Variants in DENND4B observed in about 807,000 individuals in gnomAD.
DENND4B encodes the protein DENN domain-containing protein 4B.
In DENND4B, 67 loss-of-function variants were observed where a neutral mutation model predicts 161.0. That is an observed-to-expected ratio of 0.42 (90% CI 0.34 to 0.51). DENND4B has a LOEUF of 0.51. Among genes scored for constraint, DENND4B ranks in the 20% least tolerant of loss-of-function variants. The pLI is 0.08. For synonymous variants in DENND4B, 753 were observed against 813.8 expected (o/e 0.93, Z 1.27); for missense variants, 1,481 against 1,968.0 (o/e 0.75, Z 4.68).
chr1:153,936,612 A>G lies in DENND4B; in HGVS notation c.2369T>C (p.Val790Ala), dbSNP rs762301962. The change falls in exon 16 of 28, where the codon GTG (valine) becomes GCG (alanine). Residue 790 changes from valine (V) to alanine (A), a missense_variant. By Grantham distance (64) the Val-to-Ala change is moderately conservative (BLOSUM62 0). Around this residue, in one of 3 missense-constraint regions of DENND4B, gnomAD observed 806 missense variants for 1,134.4 expected, o/e 0.71. Transcript: ENST00000361217. The surrounding 1 kb of genome is among the most constrained non-coding windows in gnomAD (Gnocchi z 4.1). ...ATGGTAGGCTGTGTGCAGTGCCTGC[A>G]CTCGGGAGGGTGCCGACCGCACATA... Reference protein sequence around the residue: ...PAYVRSAPSRVQALHTAYHVL... With the variant: ...PAYVRSAPSRAQALHTAYHVL... 5 of 1,612,752 alleles carry G rather than the reference A, an allele frequency of 3.1e-6. No individual in the cohort carries two copies. The East Asian group carries it at 6.7e-5, about 22-fold the overall frequency.
In DENND4B at chr1:153,934,773, G is replaced by A; in HGVS notation, c.2760C>T (p.Gly920=). The stretch of plus-strand genomic sequence containing the variant: ...GGCCCTACCCACCTGCCTGGGAGCT[G>A]CCTGCCTCTTGATGTGCTGACACCT... ...QEQVSAHQEA[G]SSQAEPYLER... The change falls in exon 18 of 28, where the codon GGC becomes GGT. Residue 920 remains glycine, a synonymous_variant. Coordinates refer to ENST00000361217, the MANE Select transcript of DENND4B (RefSeq NM_014856.3). The surrounding 1 kb of genome is among the most constrained non-coding windows in gnomAD (Gnocchi z 5.3). 1 of 1,612,510 alleles carries A rather than the reference G, an allele frequency of 6.2e-7. No individual in the cohort carries two copies. Among genetic ancestry groups the A allele is most frequent in the Admixed American group, 1.7e-5 (1 of 59,884 alleles).
rs1379702577 is a variant in DENND4B, at chr1:153,937,455, C to T, written c.2232+33G>A. 1.9e-5 allele frequency: 28 copies of T among 1,493,160 alleles called. No individual in the cohort carries two copies. The highest frequency in any genetic ancestry group is 2.5e-5 in the East Asian group (1 of 40,258). 92.5% of individuals were successfully genotyped at this position (1,493,160 alleles called of 1,614,324 possible). ...AGCAGCAGCAGCCTTCAGCCTGATC[C>T]GGGTCCCTCAGTGCGGTCCACCCAC... On this transcript the variant is annotated intron_variant, in intron 15 of 27. Coordinates refer to ENST00000361217, the MANE Select transcript of DENND4B (RefSeq NM_014856.3). The surrounding 1 kb of genome is among the most constrained non-coding windows in gnomAD (Gnocchi z 4.7).
rs554113357 is a variant in DENND4B at position 153,937,456 on chromosome 1, G to A, written c.2232+32C>T. 1.5e-5 allele frequency: 22 copies of A among 1,495,882 alleles called. No individual in the cohort carries two copies. Among genetic ancestry groups the A allele is most frequent in the East Asian group, 1.2e-4 (5 of 40,256 alleles). 92.7% of individuals were successfully genotyped at this position (1,495,882 alleles called of 1,614,324 possible). ...GCAGCAGCAGCCTTCAGCCTGATCC[G>A]GGTCCCTCAGTGCGGTCCACCCACT... On this transcript the variant is annotated intron_variant, in intron 15 of 27. Transcript: ENST00000361217. This position sits in a 1 kb window ranked among gnomAD's most constrained non-coding sequence, Gnocchi z 4.7.
chr1:153,938,905 C>G lies in DENND4B; in HGVS notation c.1960G>C (p.Glu654Gln), dbSNP rs1323740691. The G allele has an allele frequency of 3.2e-6, 5 of 1,585,100 alleles. No individual in the cohort carries two copies. Among genetic ancestry groups the G allele is most frequent in the Admixed American group, 3.6e-5 (2 of 55,024 alleles). Reference protein sequence around the residue: ...AALEFFDSCVEKVHPEQEKPE... With the variant: ...AALEFFDSCVQKVHPEQEKPE... ...ACATAGAGAAGGGATGATACCTTTT[C>G]AACACAAGAGTCAAAGAATTCAAGG... The change falls in exon 13 of 28, where the codon GAA becomes CAA. Residue 654 changes from glutamate (E) to glutamine (Q), a missense_variant. Around this residue, in one of 3 missense-constraint regions of DENND4B, gnomAD observed 806 missense variants for 1,134.4 expected, o/e 0.71. Transcript: ENST00000361217.
At chr1:153,931,978 T>G (rs1678978900) in intron 24 of DENND4B, among the ~76,000 whole-genome samples, 3 of 152,024 alleles carry the variant, frequency 2.0e-5, no homozygotes, top group African/African-American at 7.2e-5. Context: ...TAATTTTTTT[T>G]GTATTTTTAG....
In DENND4B at chr1:153,939,608, G is replaced by A; in HGVS notation, c.1800C>T (p.Asp600=). 6.2e-7 allele frequency: 1 copy of A among 1,610,324 alleles called. No individual in the cohort carries two copies. Among genetic ancestry groups the A allele is most frequent in the Non-Finnish European group, 8.5e-7 (1 of 1,177,152 alleles). The change falls in exon 12 of 28, where the codon GAC becomes GAT. Residue 600 remains aspartate, a synonymous_variant. Coordinates refer to ENST00000361217, the MANE Select transcript of DENND4B (RefSeq NM_014856.3). ...CTATACCCTGCAGGAAGAAAAGGTT[G>A]TCAACATCACGAGCTCCCTCGGAGG... ...QAPSEGARDV[D]NLFFLQGFLK...
rs1678815268 is a variant in DENND4B, at chr1:153,930,065, C to G, written c.*232G>C. The G allele has an allele frequency of 3.3e-6, 2 of 599,072 alleles. No individual in the cohort carries two copies. The highest frequency in any genetic ancestry group is 5.8e-6 in the Non-Finnish European group (2 of 345,174). The allele number at this position is 599,072 out of a possible 1,614,324, so 37.1% of individuals were successfully genotyped here. A position where few individuals can be genotyped will look rare whatever the true frequency, so the allele number is the denominator to read the frequency against. On this transcript the variant is annotated 3_prime_UTR_variant, in exon 28 of 28. Coordinates refer to ENST00000361217, the MANE Select transcript of DENND4B (RefSeq NM_014856.3). The surrounding 1 kb of genome is among the most constrained non-coding windows in gnomAD (Gnocchi z 4.7). The stretch of plus-strand genomic sequence containing the variant: ...GAAGAACAGAGCTGTACCAACTCCC[C>G]CCAGATCTCCCCCAACATCAGCACG...
In DENND4B at chr1:153,944,396, A is replaced by C. The variant is rs1198191616; in HGVS notation, c.-22T>G. 1.0e-5 allele frequency: 16 copies of C among 1,590,010 alleles called. No individual in the cohort carries two copies. The highest frequency in any genetic ancestry group is 1.4e-5 in the Non-Finnish European group (16 of 1,169,286). On this transcript the variant is annotated splice_region_variant and 5_prime_UTR_variant, in exon 2 of 28. The change abolishes an upstream ATG in the 5' untranslated region. Transcript: ENST00000361217. This position sits in a 1 kb window ranked among gnomAD's most constrained non-coding sequence, Gnocchi z 4.8. ...CCATGGCCCCCCCCTCACTCACTGC[A>C]TCTGGAATGGTCAAGTGGGAGAGAG...
chr1:153,940,896 G>A lies in DENND4B; in HGVS notation c.1326+8C>T. On this transcript the variant is annotated splice_region_variant and intron_variant, in intron 9 of 27. Transcript: ENST00000361217. The surrounding 1 kb of genome is among the most constrained non-coding windows in gnomAD (Gnocchi z 5.6). ...TGGGGAAGATGGGCCAGGCGGGGCG[G>A]CACTCACCGAGACGAGGGCCTCACA... The A allele has an allele frequency of 6.4e-7, 1 of 1,561,306 alleles. No individual in the cohort carries two copies. Among genetic ancestry groups the A allele is most frequent in the Non-Finnish European group, 8.6e-7 (1 of 1,156,998 alleles).
Position 153,930,272 on chromosome 1 carries a change from G to A in DENND4B, c.*25C>T. Reference sequence around the variant, plus strand: ...CCTTCTTCCTCACTTCCCCACCCTAGGCTGGAGAGGGAAGCTTAAGGTCTC... The same window carrying A: ...CCTTCTTCCTCACTTCCCCACCCTAAGCTGGAGAGGGAAGCTTAAGGTCTC... On this transcript the variant is annotated 3_prime_UTR_variant, in exon 28 of 28. Transcript: ENST00000361217. This position sits in a 1 kb window ranked among gnomAD's most constrained non-coding sequence, Gnocchi z 4.7. 1 of 1,606,476 alleles carries A rather than the reference G, an allele frequency of 6.2e-7. No individual in the cohort carries two copies. The highest frequency in any genetic ancestry group is 8.5e-7 in the Non-Finnish European group (1 of 1,174,120).
In DENND4B at chr1:153,944,222, T is replaced by G; in HGVS notation, c.153A>C (p.Ala51=). 1.9e-6 allele frequency: 3 copies of G among 1,607,494 alleles called. No homozygotes were observed. The highest frequency in any genetic ancestry group is 1.7e-6 in the Non-Finnish European group (2 of 1,176,792). ...CCTCGCCCAGTGCCCTAGCGATGAC[T>G]GCCACATCTGTGATGGGCTCAGCTG... ...PRPAEPITDV[A]VIARALGEEV... is the part of the protein sequence containing the mutation. Residue 51 remains alanine, a synonymous_variant, in exon 2 of 28, where the codon GCA becomes GCC. Coordinates refer to ENST00000361217, the MANE Select transcript of DENND4B (RefSeq NM_014856.3). This position sits in a 1 kb window ranked among gnomAD's most constrained non-coding sequence, Gnocchi z 4.8.
chr1:153,941,773 C>CGGGCGGG, intron 6 of DENND4B, 96 bp downstream of exon 6: 1 of 1,426,304 alleles, frequency 7.0e-7, no homozygotes, highest in Non-Finnish European at 9.6e-7. Context: ...ACCCTGTGCC[C>CGGGCGGG]AGCCCTCCCC....
In DENND4B at chr1:153,940,451, A is replaced by G. The variant is rs1345791591; in HGVS notation, c.1482T>C (p.Leu494=). Residue 494 remains leucine, a synonymous_variant, in exon 10 of 28, where the codon CTT becomes CTC. Transcript: ENST00000361217. This position sits in a 1 kb window ranked among gnomAD's most constrained non-coding sequence, Gnocchi z 5.6. ...CTTACTGGAAGAGCGTGTTGGTATC[A>G]AGGTCTACACAGATGACATCAGCAG... ...DPPADVICVD[L]DTNTLFQTEE... is the part of the protein sequence containing the mutation. 2 of 1,612,838 alleles carry G rather than the reference A, an allele frequency of 1.2e-6. No homozygotes were observed. Among genetic ancestry groups the G allele is most frequent in the South Asian group, 1.1e-5 (1 of 90,802 alleles).
chr1:153,938,813 C>T, intron 13 of DENND4B, 87 bp downstream of exon 13: 5 of 1,442,526 alleles, frequency 3.5e-6, no homozygotes, highest in Non-Finnish European at 2.8e-6. Context: ...CCTGAACATG[C>T]CCGATTCCGT....
chr1:153,934,994 C>T lies in DENND4B; in HGVS notation c.2569-30G>A, dbSNP rs1287394817. The T allele has an allele frequency of 6.2e-7, 1 of 1,603,964 alleles. No individual in the cohort carries two copies. Among genetic ancestry groups the T allele is most frequent in the South Asian group, 1.1e-5 (1 of 90,966 alleles). On this transcript the variant is annotated intron_variant, in intron 17 of 27. Transcript: ENST00000361217. The surrounding 1 kb of genome is among the most constrained non-coding windows in gnomAD (Gnocchi z 5.3). ...CAAGCACAGTGCCCATCAGGATGGC[C>T]TACCTCGACACCCTAACCCTGCCTC...
Position 153,933,283 on chromosome 1 carries a change from C to T in DENND4B, c.3367G>A (p.Glu1123Lys). 1 of 1,613,152 alleles carries T rather than the reference C, an allele frequency of 6.2e-7. No individual in the cohort carries two copies. Among genetic ancestry groups the T allele is most frequent in the Non-Finnish European group, 8.5e-7 (1 of 1,179,536 alleles). ...AGACTCAGGTTGCTGAGAGAAGATT[C>T]TGAGAGGTCCCACTCACTGCCCAGA... is the stretch of plus-strand genomic sequence containing the variant. ...ASLGSEWDLS[E>K]SSLSNLSLRR... Residue 1123 changes from glutamate to lysine, a missense_variant, in exon 21 of 28, where the codon GAA (glutamate) becomes AAA (lysine). By Grantham distance (56) the Glu-to-Lys change is moderately conservative. This residue lies in a region of DENND4B where 336 missense variants were observed against 503.3 expected (regional missense o/e 0.67). Coordinates refer to ENST00000361217, the MANE Select transcript of DENND4B (RefSeq NM_014856.3). This position sits in a 1 kb window ranked among gnomAD's most constrained non-coding sequence, Gnocchi z 5.7.
At position 153,934,284 on chromosome 1, in the gene DENND4B, G is replaced by A; in HGVS notation, c.2792C>T (p.Pro931Leu). 4 of 1,592,102 alleles carry A rather than the reference G, an allele frequency of 2.5e-6. No homozygotes were observed. The highest frequency in any genetic ancestry group is 1.1e-5 in the South Asian group (1 of 87,728). Residue 931 changes from proline (P) to leucine (L), a missense_variant, in exon 19 of 28, where the codon CCT becomes CTT. Pro to Leu is a moderately conservative substitution (Grantham distance 98). Coordinates refer to ENST00000361217, the MANE Select transcript of DENND4B (RefSeq NM_014856.3). The surrounding 1 kb of genome is among the most constrained non-coding windows in gnomAD (Gnocchi z 5.3). ...GCGCTGAAGAGGGCGAGTAGGGGAA[G>A]GGCGCTCCAAATAGGGCTCTGTAAA... ...SSQAEPYLERPSPTRPLQRQT... is the reference protein window; with the variant it reads ...SSQAEPYLERLSPTRPLQRQT...
rs537991223 is a variant in DENND4B, at chr1:153,937,284, G to A, written c.2232+204C>T. 6.6e-6 allele frequency among the ~76,000 whole-genome samples: 1 copy of A among 152,356 alleles called. No homozygotes were observed. Among genetic ancestry groups the A allele is most frequent in the Admixed American group, 6.5e-5 (1 of 15,308 alleles). On this transcript the variant is annotated intron_variant, in intron 15 of 27. Coordinates refer to ENST00000361217, the MANE Select transcript of DENND4B (RefSeq NM_014856.3). The surrounding 1 kb of genome is among the most constrained non-coding windows in gnomAD (Gnocchi z 4.7). ...TGGATTCCCAGAGTGCTCAGAAGAC[G>A]GAGGTGATGATGATGATGATAATGA...
chr1:153,942,320 G>T lies in DENND4B; in HGVS notation c.677C>A (p.Ala226Glu), dbSNP rs766293831. ...GGGCACTGACTCGGGCAGCGGGAAC[G>T]CCTCATTGTCCTCCTCCGGGTAGCG... ...LGRYPEEDNE[A>E]FPLPESVPVF... is the part of the protein sequence containing the mutation. Residue 226 changes from alanine (A) to glutamate (E), a missense_variant, in exon 5 of 28, where the codon GCG becomes GAG. By Grantham distance (107) the Ala-to-Glu change is moderately radical. Coordinates refer to ENST00000361217, the MANE Select transcript of DENND4B (RefSeq NM_014856.3). This position sits in a 1 kb window ranked among gnomAD's most constrained non-coding sequence, Gnocchi z 6.9. The T allele has an allele frequency of 1.9e-6, 3 of 1,613,502 alleles. No homozygotes were observed. The highest frequency in any genetic ancestry group is 1.3e-5 in the African/African-American group (1 of 75,036).
Sources: gnomAD v4.1 joint callset for allele counts (sites outside exome capture counted in the v4.1 genomes callset) on GRCh38, gnomAD v4.1.1 for gene constraint, gnomAD v4.1.1 regional missense constraint, Gnocchi (gnomAD v3.1) non-coding constraint, MANE v1.5 for transcripts, NCBI Gene and HGNC (gene_info 2026-07-23, HGNC 2026-07-21) for gene names.